The following LRRC39 variants were observed in gnomAD, a reference collection of about 807,000 sequenced individuals.
LRRC39 encodes leucine-rich repeat-containing protein 39.
A neutral mutation model predicts 39.7 loss-of-function variants in LRRC39; 35 were observed. That is an observed-to-expected ratio of 0.88 (90% CI 0.67 to 1.17). The LOEUF is 1.17. Ranked by LOEUF, LRRC39 falls within the 50% of genes most tolerant of loss-of-function variation. The pLI, the probability that LRRC39 is intolerant of heterozygous loss-of-function variation, is 0.00. For missense variants in LRRC39, 357 were observed against 385.8 expected (o/e 0.93, Z 0.62); for synonymous variants, 113 against 134.1 (o/e 0.84, Z 1.09).
intron 1 of LRRC39, 165 bp downstream of exon 1, chr1:100,177,970 G>A (rs981366981): frequency 2.0e-5 from 3 of 152,186 alleles, no homozygotes; most frequent in Non-Finnish European, 4.4e-5. Flanking sequence ...ACAATTATAT[G>A]AGTGACCATG....
chr1:100,156,106 G>T, intron 7 of LRRC39, 66 bp downstream of exon 7: 2 of 1,477,344 alleles, frequency 1.4e-6, no homozygotes, highest in South Asian at 1.3e-5. Flanking sequence ...CATTTGTCTT[G>T]CTTGGTTATT....
At chr1:100,170,902 A>T in intron 2 of LRRC39, among the ~76,000 whole-genome samples, 1 of 152,136 alleles carries the variant, frequency 6.6e-6, no homozygotes, top group East Asian at 1.9e-4. Context: ...TTGAGAACTG[A>T]GGAAGATATA....
chr1:100,163,850 A>T (rs184730851), intron 3 of LRRC39, among the ~76,000 whole-genome samples: 1 of 152,262 alleles, frequency 6.6e-6, no homozygotes, highest in East Asian at 1.9e-4. Flanking sequence ...AAGCAGATGG[A>T]TCACTTGAGG....
intron 7 of LRRC39, 28 bp from the exon 8 acceptor site, chr1:100,155,231 T>A: frequency 6.7e-7 from 1 of 1,498,406 alleles, no homozygotes; most frequent in Non-Finnish European, 9.0e-7. Flanking sequence ...CTACAATTAA[T>A]TACATATAAT....
chr1:100,171,509 T>C (rs1659597189), intron 2 of LRRC39, among the ~76,000 whole-genome samples: 1 of 150,212 alleles, frequency 6.7e-6, no homozygotes, highest in Non-Finnish European at 1.5e-5. Flanking sequence ...TCTTCTTTTT[T>C]TTTTTTTTTT....
At chr1:100,163,751 C>T (rs1015669641) in intron 3 of LRRC39, among the ~76,000 whole-genome samples, 1 of 151,960 alleles carries the variant, frequency 6.6e-6, no homozygotes, top group African/African-American at 2.4e-5. Context: ...TCTTTCAGGT[C>T]TCTAATCGAA....
At chr1:100,172,541 G>A (rs1053611670) in intron 2 of LRRC39, among the ~76,000 whole-genome samples, 2 of 151,550 alleles carry the variant, frequency 1.3e-5, no homozygotes, top group Non-Finnish European at 2.9e-5. Context: ...ATACAAAAAA[G>A]GCCAGGCGTG....
At chr1:100,168,662 C>G in intron 2 of LRRC39, 68 bp from the exon 3 acceptor site, 1 of 597,162 alleles carries the variant, frequency 1.7e-6, no homozygotes, top group Non-Finnish European at 2.9e-6. Context: ...ATCATAATAG[C>G]TAATATTTAT....
chr1:100,160,109 C>T (rs1658756648), intron 4 of LRRC39, among the ~76,000 whole-genome samples: 1 of 152,184 alleles, frequency 6.6e-6, no homozygotes, highest in South Asian at 2.1e-4. Flanking sequence ...ACTGAAAATA[C>T]TAATATTTCC....
Position 100,156,196 on chromosome 1 carries a change from TC to T in LRRC39, c.634del (p.Glu212AsnfsTer7), listed in dbSNP as rs750312952. 3.2e-5 allele frequency: 52 copies of T among 1,613,906 alleles called. No individual in the cohort carries two copies. Among genetic ancestry groups the T allele is most frequent in the Admixed American group, 1.5e-4 (9 of 59,996 alleles). ...EWLDMGSNKL[E>X]QLPDTIERMQ... ...CCTTTCTATAGTATCAGGAAGTTGTTCAAGTTTGTTGCTTCCCATGTCCAGC... is the reference window on the plus strand; with the variant it reads ...CCTTTCTATAGTATCAGGAAGTTGTTAAGTTTGTTGCTTCCCATGTCCAGC... On this transcript the variant is annotated frameshift_variant, in exon 7 of 10. Coordinates refer to ENST00000370137, the MANE Select transcript of LRRC39 (RefSeq NM_144620.4). LOFTEE classifies it high-confidence loss of function.
At position 100,177,426 on chromosome 1, in the gene LRRC39, G is replaced by A. The variant is rs528920626; in HGVS notation, c.-119+709C>T. Among the ~76,000 whole-genome samples, 7 of 152,268 alleles carry A rather than the reference G, an allele frequency of 4.6e-5. No individual in the cohort carries two copies. In the South Asian group the frequency reaches 1.0e-3, roughly 23 times the overall value. On this transcript the variant is annotated intron_variant, in intron 1 of 9. Transcript: ENST00000370137. The stretch of plus-strand genomic sequence containing the variant: ...GAAAAAAGTTTAAAATTTCAAGATT[G>A]ATAAATAATTGGCATAGGCAGGAAA...
At chr1:100,160,685 C>G in intron 3 of LRRC39, 114 bp from the exon 4 acceptor site, 3 of 723,070 alleles carry the variant, frequency 4.1e-6, no homozygotes, top group South Asian at 2.3e-5. Flanking sequence ...AGTGCAGTGG[C>G]CCGATCTCGG....
chr1:100,175,588 A>G (rs1659901940), intron 1 of LRRC39, among the ~76,000 whole-genome samples: 1 of 152,202 alleles, frequency 6.6e-6, no homozygotes, highest in African/African-American at 2.4e-5. Context: ...TTAGAAAATA[A>G]AAGGAATACC....
At chr1:100,151,181 T>C (rs1343721563) in intron 9 of LRRC39, among the ~76,000 whole-genome samples, 1 of 147,502 alleles carries the variant, frequency 6.8e-6, no homozygotes, top group Non-Finnish European at 1.5e-5. Context: ...ATCTTCTGCC[T>C]CTACCACCTG....
chr1:100,171,533 C>T (rs527313567), intron 2 of LRRC39, among the ~76,000 whole-genome samples: 34 of 134,546 alleles, frequency 2.5e-4, no homozygotes, highest in Non-Finnish European at 3.9e-4. Flanking sequence ...GACATGGTCT[C>T]GTTCTGTCCC....
intron 2 of LRRC39, among the ~76,000 whole-genome samples, chr1:100,172,457 C>T (rs1248984818): frequency 6.6e-6 from 1 of 151,504 alleles, no homozygotes; most frequent in Non-Finnish European, 1.5e-5. Flanking sequence ...GAGGCCGAGG[C>T]GGGCAGATCA....
At chr1:100,157,252 C>A (rs1216190375) in intron 6 of LRRC39, among the ~76,000 whole-genome samples, 1 of 152,078 alleles carries the variant, frequency 6.6e-6, no homozygotes, top group Non-Finnish European at 1.5e-5. Context: ...TGAATCATGG[C>A]GATGGTTTCC....
intron 9 of LRRC39, among the ~76,000 whole-genome samples, chr1:100,151,549 AGTT>A (rs1407542754): frequency 2.0e-5 from 3 of 152,208 alleles, no homozygotes; most frequent in Non-Finnish European, 2.9e-5. Flanking sequence ...TTTTCAAACT[AGTT>A]GTTGCATTAA....
intron 8 of LRRC39, 141 bp downstream of exon 8, chr1:100,154,910 G>T (rs2101767559): frequency 1.4e-6 from 1 of 697,624 alleles, no homozygotes; most frequent in Non-Finnish European, 2.2e-6. Flanking sequence ...ATTATAGAAT[G>T]TCAACATTGG....
Sources: gnomAD v4.1 joint callset for allele counts (sites outside exome capture counted in the v4.1 genomes callset) on GRCh38, gnomAD v4.1.1 for gene constraint, MANE v1.5 for transcripts, NCBI Gene and HGNC (gene_info 2026-07-23, HGNC 2026-07-21) for gene names.